The following CX3CL1 variants were observed in gnomAD, a reference collection of about 807,000 sequenced individuals.
CX3CL1 encodes the protein C-X3-C motif chemokine ligand 1.
A neutral mutation model predicts 14.1 loss-of-function variants in CX3CL1; 1 was observed. The observed-to-expected ratio is 0.07, with a 90% CI of 0.03 to 0.34. The LOEUF is 0.34. CX3CL1 is among the 10% of genes least tolerant of loss of function. The pLI, the probability that CX3CL1 is intolerant of heterozygous loss-of-function variation, is 0.99. For synonymous variants in CX3CL1, 255 were observed against 229.6 expected (o/e 1.11, Z -1.00); for missense variants, 505 against 536.4 (o/e 0.94, Z 0.58).
At chr16:57,380,702 G>C (rs1902307495) in intron 2 of CX3CL1, among the ~76,000 whole-genome samples, 1 of 152,128 alleles carries the variant, frequency 6.6e-6, no homozygotes, top group Non-Finnish European at 1.5e-5. Context: ...TTGTAACCCT[G>C]GCTGTTGAAG....
intron 1 of CX3CL1, chr16:57,378,359 TG>T (rs1218502217): frequency 6.6e-6 from 1 of 152,124 alleles, no homozygotes; most frequent in Non-Finnish European, 1.5e-5. Flanking sequence ...AAGACCAGCC[TG>T]GGCAACATAG....
At chr16:57,381,277 T>C (rs1902316402) in intron 2 of CX3CL1, among the ~76,000 whole-genome samples, 2 of 152,188 alleles carry the variant, frequency 1.3e-5, no homozygotes, top group Non-Finnish European at 2.9e-5. Context: ...CCAGGGCCTC[T>C]GTCAGCTCTG....
chr16:57,375,791 C>T (rs531735298), intron 1 of CX3CL1, among the ~76,000 whole-genome samples: 2 of 152,302 alleles, frequency 1.3e-5, no homozygotes, highest in Admixed American at 6.5e-5. Flanking sequence ...AGGAGAATTC[C>T]TCCAAGAAGC....
At chr16:57,380,329 T>C (rs1432333060) in intron 2 of CX3CL1, among the ~76,000 whole-genome samples, 1 of 152,118 alleles carries the variant, frequency 6.6e-6, no homozygotes, top group Admixed American at 6.6e-5. Flanking sequence ...AGGCCGAGGT[T>C]GGTGGATCAC....
rs200050506 is a variant in CX3CL1 at position 57,382,109 on chromosome 16, C to G, written c.271C>G (p.Arg91Gly). The change falls in exon 3 of 3, where the codon CGC becomes GGC. Residue 91 changes from arginine to glycine, a missense_variant. Arg to Gly is a moderately radical substitution (Grantham distance 125). Transcript: ENST00000006053. This position sits in a 1 kb window ranked among gnomAD's most constrained non-coding sequence, Gnocchi z 6.9. The part of the protein sequence containing the change: ...WVKDAMQHLD[R>G]QAAALTRNGG... ...CAAGGACGCGATGCAGCATCTGGAC[C>G]GCCAGGCTGCTGCCCTAACTCGAAA... 6.2e-7 allele frequency: 1 copy of G among 1,613,996 alleles called. No homozygotes were observed. The highest frequency in any genetic ancestry group is 1.7e-5 in the Admixed American group (1 of 60,010).
chr16:57,383,501 TC>T lies in CX3CL1; in HGVS notation c.*474del. On this transcript the variant is annotated 3_prime_UTR_variant, in exon 3 of 3. Transcript: ENST00000006053. ...CACCCCGGCCACCTGCGGTGCTATCTCCCCCAGCCCCATCCTCTGTACAGAG... is the reference window on the plus strand; with the variant it reads ...CACCCCGGCCACCTGCGGTGCTATCTCCCCAGCCCCATCCTCTGTACAGAG... 6.4e-6 allele frequency: 1 copy of T among 155,260 alleles called. No individual in the cohort carries two copies. The allele number at this position is 155,260 out of a possible 1,614,324, so 9.6% of individuals were successfully genotyped here. A position where few individuals can be genotyped will look rare whatever the true frequency, so the allele number is the denominator to read the frequency against.
In CX3CL1 at chr16:57,379,727, AG is replaced by A; in HGVS notation, c.166del (p.Ala56HisfsTer41). 1 of 1,614,234 alleles carries A rather than the reference AG, an allele frequency of 6.2e-7. No homozygotes were observed. Among genetic ancestry groups the A allele is most frequent in the Non-Finnish European group, 8.5e-7 (1 of 1,180,038 alleles). ...VALLIHYQQNQASCGKRAIIL... is the reference protein window; with the variant it reads ...VALLIHYQQNXASCGKRAIIL... ...TTGCTCATCCACTATCAACAGAACC[AG>A]GCATCATGCGGCAAACGCGCAATCA... is the stretch of plus-strand genomic sequence containing the variant. On this transcript the variant is annotated frameshift_variant, in exon 2 of 3. Transcript: ENST00000006053. LOFTEE classifies it low-confidence loss of function (END_TRUNC).
intron 2 of CX3CL1, among the ~76,000 whole-genome samples, chr16:57,380,842 G>T (rs1006973277): frequency 6.6e-6 from 1 of 152,134 alleles, no homozygotes; most frequent in Non-Finnish European, 1.5e-5. Context: ...CCTAGAGGCC[G>T]GGCAGCAGGA....
rs1276946022 is a variant in CX3CL1 at position 57,382,517 on chromosome 16, C to G, written c.679C>G (p.Gln227Glu). Reference sequence around the variant, plus strand: ...CCCGTCCACCCAGGACCCCTCCACCCAGGCCTCCACTGCGTCCTCCCCAGC... The same window carrying G: ...CCCGTCCACCCAGGACCCCTCCACCGAGGCCTCCACTGCGTCCTCCCCAGC... ...EAPSTQDPST[Q>E]ASTASSPAPE... is the part of the protein sequence containing the mutation. Residue 227 changes from glutamine (Q) to glutamate (E), a missense_variant, in exon 3 of 3, where the codon CAG becomes GAG. Transcript: ENST00000006053. The surrounding 1 kb of genome is among the most constrained non-coding windows in gnomAD (Gnocchi z 6.9). The G allele has an allele frequency of 1.2e-6, 2 of 1,613,538 alleles. No homozygotes were observed. Among genetic ancestry groups the G allele is most frequent in the East Asian group, 4.5e-5 (2 of 44,894 alleles).
At chr16:57,375,801 C>T (rs1012868388) in intron 1 of CX3CL1, among the ~76,000 whole-genome samples, 1 of 152,166 alleles carries the variant, frequency 6.6e-6, no homozygotes, top group Non-Finnish European at 1.5e-5. Flanking sequence ...CTCCAAGAAG[C>T]CTCCCCTGAC....
intron 1 of CX3CL1, among the ~76,000 whole-genome samples, chr16:57,375,038 G>T (rs1184550129): frequency 6.6e-6 from 1 of 151,970 alleles, no homozygotes; most frequent in Non-Finnish European, 1.5e-5. Context: ...TACTTGGGAG[G>T]CTGAGGCAAG....
chr16:57,377,662 T>G (rs974801861), intron 1 of CX3CL1: 2 of 152,212 alleles, frequency 1.3e-5, no homozygotes, highest in Non-Finnish European at 2.9e-5. Flanking sequence ...TATTTATGCA[T>G]GAGCAGTTCG....
In CX3CL1 at chr16:57,384,520, C is replaced by T. The variant is rs1257720157; in HGVS notation, c.*1488C>T. On this transcript the variant is annotated 3_prime_UTR_variant, in exon 3 of 3. Coordinates refer to ENST00000006053, the MANE Select transcript of CX3CL1 (RefSeq NM_002996.6). ...GCAGCTCACCTCTCCCTTGGATTGT[C>T]CCCGACCCTTGCCGTCTACCTGAGG... 6.6e-6 allele frequency: 1 copy of T among 152,372 alleles called. No homozygotes were observed. Among genetic ancestry groups the T allele is most frequent in the Non-Finnish European group, 1.5e-5 (1 of 68,172 alleles). The allele number at this position is 152,372 out of a possible 1,614,324, so 9.4% of individuals were successfully genotyped here.
At position 57,372,757 on chromosome 16, in the gene CX3CL1, A is replaced by T; in HGVS notation, c.70+119A>T. On this transcript the variant is annotated intron_variant, in intron 1 of 2. Coordinates refer to ENST00000006053, the MANE Select transcript of CX3CL1 (RefSeq NM_002996.6). ...CTGGGTAAAGCTCAAGGCCGGTGGC[A>T]GCCGCTTCCCCAGGGATGTGCGAGA... 4 of 934,818 alleles carry T rather than the reference A, an allele frequency of 4.3e-6. No individual in the cohort carries two copies. The East Asian group carries it at 1.0e-4, about 24-fold the overall frequency. 57.9% of individuals were successfully genotyped at this position (934,818 alleles called of 1,614,324 possible). A position where few individuals can be genotyped will look rare whatever the true frequency, so the allele number is the denominator to read the frequency against.
At position 57,372,751 on chromosome 16, in the gene CX3CL1, G is replaced by T. The variant is rs192552070; in HGVS notation, c.70+113G>T. ...CCCTGCCTGGGTAAAGCTCAAGGCC[G>T]GTGGCAGCCGCTTCCCCAGGGATGT... On this transcript the variant is annotated intron_variant, in intron 1 of 2. Coordinates refer to ENST00000006053, the MANE Select transcript of CX3CL1 (RefSeq NM_002996.6). 1.2e-4 allele frequency: 116 copies of T among 996,322 alleles called. No individual in the cohort carries two copies. The East Asian group carries it at 2.7e-3, about 23-fold the overall frequency. The allele number at this position is 996,322 out of a possible 1,614,324, so 61.7% of individuals were successfully genotyped here.
rs758730102 is a variant in CX3CL1 at position 57,372,599 on chromosome 16, C to A, written c.31C>A (p.Arg11Ser). Residue 11 changes from arginine to serine, a missense_variant, in exon 1 of 3, where the codon CGC becomes AGC. Transcript: ENST00000006053. MAPISLSWLL[R>S]LATFCHLTVL... ...TCCGATATCTCTGTCGTGGCTGCTC[C>A]GCTTGGCCACCTTCTGCCATCTGAC... is the stretch of plus-strand genomic sequence containing the variant. 6.8e-6 allele frequency: 11 copies of A among 1,613,362 alleles called. No individual in the cohort carries two copies. Among genetic ancestry groups the A allele is most frequent in the Non-Finnish European group, 9.3e-6 (11 of 1,180,000 alleles).
rs1221630141 is a variant in CX3CL1 at position 57,384,043 on chromosome 16, C to T, written c.*1011C>T. 1.3e-5 allele frequency: 2 copies of T among 152,212 alleles called. No individual in the cohort carries two copies. The highest frequency in any genetic ancestry group is 2.4e-5 in the African/African-American group (1 of 41,370). 9.4% of individuals were successfully genotyped at this position (152,212 alleles called of 1,614,324 possible). A position where few individuals can be genotyped will look rare whatever the true frequency, so the allele number is the denominator to read the frequency against. On this transcript the variant is annotated 3_prime_UTR_variant, in exon 3 of 3. Transcript: ENST00000006053. The stretch of plus-strand genomic sequence containing the variant: ...AGACAGCCCGGGCTCTGCCTCCCAT[C>T]ACCCGCTAAGAGGGAGGGAGGGCTC...
intron 1 of CX3CL1, 137 bp downstream of exon 1, chr16:57,372,775 G>A: frequency 2.6e-6 from 2 of 779,982 alleles, no homozygotes; most frequent in South Asian, 1.7e-5. Context: ...CCCCAGGGAT[G>A]TGCGAGAGGG....
intron 2 of CX3CL1, 122 bp from the exon 3 acceptor site, chr16:57,381,908 G>T: frequency 9.2e-7 from 1 of 1,091,496 alleles, no homozygotes; most frequent in Non-Finnish European, 1.3e-6. Context: ...CGCTAAGTGG[G>T]AGGACAGGGT....
Sources: allele counts gnomAD v4.1 joint callset (sites outside exome capture counted in the v4.1 genomes callset), GRCh38; gene constraint gnomAD v4.1.1; non-coding constraint Gnocchi (gnomAD v3.1); transcripts MANE v1.5; gene names NCBI Gene and HGNC (gene_info 2026-07-23, HGNC 2026-07-21).